Variants in KCTD16 observed in about 807,000 individuals in gnomAD.
The protein encoded by KCTD16 is BTB/POZ domain-containing protein KCTD16.
A neutral mutation model predicts 33.2 loss-of-function variants in KCTD16; 13 were observed. The ratio of observed to expected loss-of-function variants is 0.39; its 90% CI spans 0.25 to 0.62. The LOEUF (loss-of-function observed/expected upper bound fraction) is 0.62. Among genes scored for constraint, KCTD16 ranks in the 20% least tolerant of loss-of-function variants. The pLI is 0.50. For synonymous variants in KCTD16, 197 were observed against 195.3 expected, an observed-to-expected ratio of 1.01 and a Z score of -0.07; for missense variants, 441 against 525.1, an observed-to-expected ratio of 0.84 and a Z score of 1.57.
intron 3 of KCTD16, among the ~76,000 whole-genome samples, chr5:144,313,964 T>C (rs1414519248): frequency 6.6e-6 from 1 of 152,188 alleles, no homozygotes; most frequent in Non-Finnish European, 1.5e-5. Context: ...TTTCTGCATT[T>C]TGGAGATCAG....
intron 2 of KCTD16, among the ~76,000 whole-genome samples, chr5:144,189,774 C>T (rs961202180): frequency 5.3e-5 from 8 of 152,064 alleles, no homozygotes; most frequent in Non-Finnish European, 1.0e-4. Context: ...TTATATTGGT[C>T]ATCTCATTTT....
At chr5:144,373,771 T>A (rs930439500) in intron 3 of KCTD16, among the ~76,000 whole-genome samples, 3 of 152,276 alleles carry the variant, frequency 2.0e-5, no homozygotes, top group African/African-American at 7.2e-5. Context: ...GCAAATCACA[T>A]CTTCCTGTTT....
chr5:144,174,275 T>C (rs1293698240), intron 1 of KCTD16, 32 bp from the exon 2 acceptor site: 1 of 152,188 alleles, frequency 6.6e-6, no homozygotes, highest in East Asian at 1.9e-4. Context: ...TAAGATATTT[T>C]AGAGTTACTT....
chr5:144,312,032 CT>C (rs560024956), intron 3 of KCTD16, among the ~76,000 whole-genome samples: 68 of 152,156 alleles, frequency 4.5e-4, no homozygotes, highest in African/African-American at 1.6e-3. Flanking sequence ...CTCTGAGACT[CT>C]TTTTTAGCTC....
intron 3 of KCTD16, among the ~76,000 whole-genome samples, chr5:144,341,141 A>G (rs1454437112): frequency 6.6e-6 from 1 of 152,188 alleles, no homozygotes; most frequent in Admixed American, 6.6e-5. Flanking sequence ...AAACTGAGTT[A>G]TAATTTTTGT....
Position 144,413,875 on chromosome 5 carries a change from C to G in KCTD16, c.833-59785C>G, listed in dbSNP as rs1256995702. On this transcript the variant is annotated intron_variant, in intron 3 of 3. Coordinates refer to ENST00000512467, the MANE Select transcript of KCTD16 (RefSeq NM_020768.4). ...GCATCGATTTAAGAATCTGGAGAACCAGGTTCTGGTTTGAAGTCTGTCACT... is the reference window on the plus strand; with the variant it reads ...GCATCGATTTAAGAATCTGGAGAACGAGGTTCTGGTTTGAAGTCTGTCACT... 3.3e-5 allele frequency among the ~76,000 whole-genome samples: 5 copies of G among 152,060 alleles called. No individual in the cohort carries two copies. The East Asian group carries it at 9.6e-4, about 29-fold the overall frequency.
At chr5:144,421,213 T>C (rs1753200598) in intron 3 of KCTD16, among the ~76,000 whole-genome samples, 1 of 152,078 alleles carries the variant, frequency 6.6e-6, no homozygotes, top group Admixed American at 6.6e-5. Flanking sequence ...TTTCTCAAAA[T>C]CATACCAGAC....
chr5:144,360,689 C>T (rs539248503), intron 3 of KCTD16, among the ~76,000 whole-genome samples: 1 of 152,286 alleles, frequency 6.6e-6, no homozygotes, highest in Non-Finnish European at 1.5e-5. Context: ...CTTTGCCTCC[C>T]AAAGTGCTGG....
At chr5:144,408,632 A>G (rs975383561) in intron 3 of KCTD16, among the ~76,000 whole-genome samples, 3 of 152,190 alleles carry the variant, frequency 2.0e-5, no homozygotes, top group African/African-American at 7.2e-5. Context: ...TTGAAGGTAG[A>G]GGTATATCAA....
chr5:144,187,084 T>A (rs1561522664), intron 2 of KCTD16, among the ~76,000 whole-genome samples: 1 of 152,188 alleles, frequency 6.6e-6, no homozygotes, highest in Non-Finnish European at 1.5e-5. Flanking sequence ...CATATATACA[T>A]AAACATAAAA....
chr5:144,299,072 A>ATATATATATATATATATATATATT (rs1491103244), intron 3 of KCTD16, among the ~76,000 whole-genome samples: 1 of 57,432 alleles, frequency 1.7e-5, no homozygotes, highest in Non-Finnish European at 3.4e-5. Flanking sequence ...ATATATATAT[A>ATATATATATATATATATATATATT]TTTTTGTATA....
At chr5:144,399,729 A>G (rs1486647888) in intron 3 of KCTD16, among the ~76,000 whole-genome samples, 3 of 152,172 alleles carry the variant, frequency 2.0e-5, no homozygotes, top group Non-Finnish European at 4.4e-5. Context: ...AGCAAAAATT[A>G]TTATGATATT....
chr5:144,411,503 T>TTC (rs1262632084), intron 3 of KCTD16, among the ~76,000 whole-genome samples: 1 of 152,090 alleles, frequency 6.6e-6, no homozygotes, highest in Non-Finnish European at 1.5e-5. Flanking sequence ...GAAACGAGTC[T>TTC]TCTCTCTCTC....
At chr5:144,445,718 C>T (rs1227531687) in intron 3 of KCTD16, among the ~76,000 whole-genome samples, 1 of 151,470 alleles carries the variant, frequency 6.6e-6, no homozygotes, top group Non-Finnish European at 1.5e-5. Context: ...TGTTCCTCTT[C>T]CTCATTTTGG....
intron 3 of KCTD16, among the ~76,000 whole-genome samples, chr5:144,349,784 C>T (rs147623084): frequency 7.9e-5 from 12 of 152,160 alleles, no homozygotes; most frequent in Non-Finnish European, 1.6e-4. Context: ...ACTACCTTTC[C>T]CCATCACACT....
chr5:144,233,290 T>G (rs1455257925), intron 3 of KCTD16, among the ~76,000 whole-genome samples: 3 of 152,256 alleles, frequency 2.0e-5, no homozygotes, highest in Admixed American at 6.5e-5. Context: ...GCTGTGATCC[T>G]TGTCATTTCC....
At chr5:144,241,780 A>G (rs1275287145) in intron 3 of KCTD16, among the ~76,000 whole-genome samples, 1 of 152,186 alleles carries the variant, frequency 6.6e-6, no homozygotes, top group Non-Finnish European at 1.5e-5. Flanking sequence ...AAATTAACTC[A>G]TGTTCTTTCA....
At chr5:144,172,359 A>T (rs1198281458) in intron 1 of KCTD16, among the ~76,000 whole-genome samples, 1 of 152,252 alleles carries the variant, frequency 6.6e-6, no homozygotes, top group Non-Finnish European at 1.5e-5. Flanking sequence ...TAATAATGAA[A>T]TCTGGGTAAT....
At chr5:144,217,846 CAA>C (rs796330260) in intron 3 of KCTD16, among the ~76,000 whole-genome samples, 35 of 134,818 alleles carry the variant, frequency 2.6e-4, no homozygotes, top group Admixed American at 3.0e-4. Context: ...ACATGCAGAC[CAA>C]AAAAAAAAAA....
Sources: allele counts gnomAD v4.1 joint callset (sites outside exome capture counted in the v4.1 genomes callset), GRCh38; gene constraint gnomAD v4.1.1; transcripts MANE v1.5; gene names NCBI Gene and HGNC (gene_info 2026-07-23, HGNC 2026-07-21).